Variants in CADPS observed in about 807,000 individuals in gnomAD.
CADPS encodes calcium dependent secretion activator, also known as calcium-dependent secretion activator 1.
Under a neutral mutation model 167.3 loss-of-function variants are expected in CADPS, and 57 were observed. The ratio of observed to expected loss-of-function variants is 0.34; its 90% CI spans 0.28 to 0.42. CADPS has a LOEUF of 0.42. Among genes scored for constraint, CADPS ranks in the 20% least tolerant of loss-of-function variants. The pLI is 1.00. For missense variants in CADPS, 1,414 were observed against 1,738.1 expected (o/e 0.81, Z 3.32); for synonymous variants, 676 against 635.3 (o/e 1.06, Z -0.96).
At chr3:62,788,699 T>A (rs746781960) in intron 1 of CADPS, among the ~76,000 whole-genome samples, 29 of 152,204 alleles carry the variant, frequency 1.9e-4, no homozygotes, top group Non-Finnish European at 3.1e-4. Flanking sequence ...TTAGTGTATT[T>A]TCAATCAGTT....
intron 8 of CADPS, among the ~76,000 whole-genome samples, chr3:62,584,588 C>T (rs997470374): frequency 2.0e-5 from 3 of 152,230 alleles, no homozygotes; most frequent in Non-Finnish European, 4.4e-5. Context: ...CACCAACAAA[C>T]ATTTGCTAGA....
intron 11 of CADPS, among the ~76,000 whole-genome samples, chr3:62,545,945 G>A (rs534755557): frequency 2.0e-5 from 3 of 152,032 alleles, no homozygotes; most frequent in East Asian, 1.9e-4. Context: ...CTAATAAAGC[G>A]ATTATAGAGT....
At chr3:62,628,646 G>A (rs1039311952) in intron 6 of CADPS, among the ~76,000 whole-genome samples, 2 of 124,862 alleles carry the variant, frequency 1.6e-5, no homozygotes, top group Non-Finnish European at 3.4e-5. Context: ...CTTTTTTCTT[G>A]AGACAGAGTC....
At chr3:62,418,835 T>A (rs968707225) in intron 28 of CADPS, among the ~76,000 whole-genome samples, 1 of 152,090 alleles carries the variant, frequency 6.6e-6, no homozygotes, top group South Asian at 2.1e-4. Flanking sequence ...CTAACTTAGA[T>A]GTCAAAATTA....
rs369836584 is a variant in CADPS at position 62,550,349 on chromosome 3, G to GC, written c.1754-235dup. ...TTTGTGTCCTGCTGGGGATAGAACT[G>GC]CCAAGCAGGCTGCCTGCTTGGGGGA... On this transcript the variant is annotated intron_variant, in intron 10 of 29. Coordinates refer to ENST00000383710, the MANE Select transcript of CADPS (RefSeq NM_003716.4). 3.4e-4 allele frequency among the ~76,000 whole-genome samples: 51 copies of GC among 152,108 alleles called. No homozygotes were observed. In the South Asian group the frequency reaches 3.5e-3, roughly 11 times the overall value.
intron 17 of CADPS, among the ~76,000 whole-genome samples, chr3:62,507,029 C>A (rs1284963859): frequency 6.6e-6 from 1 of 152,078 alleles, no homozygotes. Context: ...CTACATGAAC[C>A]AAAAAATTCT....
rs557216327 is a variant in CADPS, at chr3:62,594,425, T to C, written c.1326-1677A>G. On this transcript the variant is annotated intron_variant, in intron 6 of 29. Transcript: ENST00000383710. Reference sequence around the variant, plus strand: ...ATCCGCCCGCCTCGGCCTCCCAAAGTGCTGGGATTACAGGCGTGAGCCACC... The same window carrying C: ...ATCCGCCCGCCTCGGCCTCCCAAAGCGCTGGGATTACAGGCGTGAGCCACC... 3.8e-3 allele frequency among the ~76,000 whole-genome samples: 586 copies of C among 152,270 alleles called. 3 individuals carry two copies. Among genetic ancestry groups the C allele is most frequent in the Middle Eastern group, 0.027 (8 of 294 alleles).
At position 62,399,385 on chromosome 3, in the gene CADPS, C is replaced by T. The variant is rs1345416319; in HGVS notation, c.*21G>A. On this transcript the variant is annotated 3_prime_UTR_variant, in exon 30 of 30. Transcript: ENST00000383710. The surrounding 1 kb of genome is among the most constrained non-coding windows in gnomAD (Gnocchi z 5.6). ...CACTGATTACAGGACTCTGTCCCAG[C>T]AGACTCTAGGACCAAATGGTCTAAT... 1.2e-6 allele frequency: 2 copies of T among 1,610,092 alleles called. No homozygotes were observed. The highest frequency in any genetic ancestry group is 2.7e-5 in the African/African-American group (2 of 74,876).
chr3:62,706,620 C>T (rs1580825515), intron 3 of CADPS, among the ~76,000 whole-genome samples: 1 of 152,076 alleles, frequency 6.6e-6, no homozygotes, highest in East Asian at 1.9e-4. Flanking sequence ...CTCTCCCTAG[C>T]TTCTGATGCT....
chr3:62,691,421 T>C (rs1380509060), intron 3 of CADPS, among the ~76,000 whole-genome samples: 1 of 151,966 alleles, frequency 6.6e-6, no homozygotes, highest in Admixed American at 6.6e-5. Flanking sequence ...TGTGTCTGTG[T>C]AGGGGAAGGA....
chr3:62,547,684 A>G (rs2076728048), intron 11 of CADPS, among the ~76,000 whole-genome samples: 1 of 149,784 alleles, frequency 6.7e-6, no homozygotes, highest in South Asian at 2.1e-4. Flanking sequence ...ATACACATCA[A>G]GCTGTGTGTA....
chr3:62,835,782 C>T (rs1473521945), intron 1 of CADPS, among the ~76,000 whole-genome samples: 1 of 152,174 alleles, frequency 6.6e-6, no homozygotes, highest in East Asian at 1.9e-4. Flanking sequence ...CACAGCTTCC[C>T]TATTCTGAGC....
At chr3:62,712,823 G>T (rs1297858117) in intron 3 of CADPS, among the ~76,000 whole-genome samples, 1 of 152,120 alleles carries the variant, frequency 6.6e-6, no homozygotes, top group Non-Finnish European at 1.5e-5. Flanking sequence ...TTGACAACTG[G>T]TCATAAATTG....
At chr3:62,804,646 C>G (rs897847990) in intron 1 of CADPS, among the ~76,000 whole-genome samples, 1 of 151,864 alleles carries the variant, frequency 6.6e-6, no homozygotes, top group African/African-American at 2.4e-5. Context: ...TGAAACACCC[C>G]GAGAAATAGC....
intron 17 of CADPS, among the ~76,000 whole-genome samples, chr3:62,507,933 A>C (rs574358693): frequency 5.1e-4 from 78 of 152,320 alleles, no homozygotes; most frequent in African/African-American, 1.9e-3. Context: ...TAATCTTTGC[A>C]ATAATTCTCT....
chr3:62,595,400 A>T (rs1212680742), intron 6 of CADPS, among the ~76,000 whole-genome samples: 1 of 152,160 alleles, frequency 6.6e-6, no homozygotes, highest in African/African-American at 2.4e-5. Flanking sequence ...TTTGAACCAG[A>T]TATCTTTAGT....
intron 7 of CADPS, among the ~76,000 whole-genome samples, chr3:62,586,653 C>G (rs920250353): frequency 6.6e-6 from 1 of 152,158 alleles, no homozygotes; most frequent in African/African-American, 2.4e-5. Flanking sequence ...TCAAGTCTTC[C>G]CACTGTCTTA....
At chr3:62,726,738 T>C (rs553018313) in intron 3 of CADPS, among the ~76,000 whole-genome samples, 1 of 152,022 alleles carries the variant, frequency 6.6e-6, no homozygotes, top group East Asian at 1.9e-4. Context: ...TTACCAAAAG[T>C]AATTAACCCT....
chr3:62,657,881 C>T (rs1311949316), intron 4 of CADPS, among the ~76,000 whole-genome samples: 1 of 152,070 alleles, frequency 6.6e-6, no homozygotes, highest in Non-Finnish European at 1.5e-5. Context: ...GGCAAAATAA[C>T]CAGGGTCCCT....
Sources: gnomAD v4.1 joint callset for allele counts (sites outside exome capture counted in the v4.1 genomes callset) on GRCh38, gnomAD v4.1.1 for gene constraint, Gnocchi (gnomAD v3.1) non-coding constraint, MANE v1.5 for transcripts, NCBI Gene and HGNC (gene_info 2026-07-23, HGNC 2026-07-21) for gene names.